The following SERPINB12 variants were observed in gnomAD, a reference collection of about 807,000 sequenced individuals.
SERPINB12 encodes serpin B12.
SERPINB12 carries 57 observed loss-of-function variants against 41.1 expected under a neutral mutation model. That is an observed-to-expected ratio of 1.39 (90% CI 1.12 to 1.73). The LOEUF (loss-of-function observed/expected upper bound fraction) is 1.73. Ranked by LOEUF, SERPINB12 falls within the 40% of genes most tolerant of loss-of-function variation. The pLI, the probability that SERPINB12 is intolerant of heterozygous loss-of-function variation, is 0.00. For synonymous variants in SERPINB12, 180 were observed against 181.3 expected (o/e 0.99, Z 0.06); for missense variants, 536 against 501.9 (o/e 1.07, Z -0.65).
intron 1 of SERPINB12, among the ~76,000 whole-genome samples, chr18:63,546,349 A>G (rs1910387862): frequency 6.6e-6 from 1 of 152,232 alleles, no homozygotes; most frequent in Non-Finnish European, 1.5e-5. Flanking sequence ...ACACGATTGT[A>G]GAGTGCTAGA....
At chr18:63,559,003 C>CTTTCTTTCTTTTCT (rs1491386715) in intron 3 of SERPINB12, among the ~76,000 whole-genome samples, 4 of 78,536 alleles carry the variant, frequency 5.1e-5, no homozygotes, top group African/African-American at 2.0e-4. Flanking sequence ...TCTTTCCTTC[C>CTTTCTTTCTTTTCT]TTCTTTCTTT....
Position 63,565,469 on chromosome 18 carries a change from A to G in SERPINB12, c.730A>G (p.Met244Val), listed in dbSNP as rs771116853. The G allele has an allele frequency of 1.9e-5, 31 of 1,613,662 alleles. No homozygotes were observed. In the South Asian group the frequency reaches 2.7e-4, roughly 14 times the overall value. Reference protein sequence around the residue: ...NANENKSVKMMTQKGLYRIGF... With the variant: ...NANENKSVKMVTQKGLYRIGF... ...GAATGAAAACAAGAGTGTGAAGATG[A>G]TGACGCAAAAAGGCCTCTACAGAAT... is the stretch of plus-strand genomic sequence containing the variant. The change falls in exon 7 of 8, where the codon ATG (methionine) becomes GTG (valine). Residue 244 changes from methionine to valine, a missense_variant. Transcript: ENST00000382768.
chr18:63,565,283 T>C (rs558805182), intron 6 of SERPINB12, among the ~76,000 whole-genome samples, 162 bp from the exon 7 acceptor site: 67 of 152,272 alleles, frequency 4.4e-4, no homozygotes, highest in African/African-American at 1.6e-3. Flanking sequence ...GGGCCACTGA[T>C]GAGTGGGTAG....
At chr18:63,561,977 C>T (rs1047083333) in intron 5 of SERPINB12, among the ~76,000 whole-genome samples, 2 of 152,054 alleles carry the variant, frequency 1.3e-5, no homozygotes, top group South Asian at 4.1e-4. Flanking sequence ...TGTAACAAAC[C>T]TGCACATGTA....
intron 1 of SERPINB12, among the ~76,000 whole-genome samples, chr18:63,552,593 AAT>A (rs1267010240): frequency 1.3e-5 from 2 of 152,138 alleles, no homozygotes; most frequent in East Asian, 3.8e-4. Flanking sequence ...TTTGTAAATT[AAT>A]ATCTTACTCT....
In SERPINB12 at chr18:63,558,267, T is replaced by C. The variant is rs1468611623; in HGVS notation, c.169-85T>C. 4.3e-6 allele frequency: 6 copies of C among 1,382,730 alleles called. No individual in the cohort carries two copies. The African/African-American group carries it at 7.3e-5, about 17-fold the overall frequency. 85.7% of individuals were successfully genotyped at this position (1,382,730 alleles called of 1,614,324 possible). A position where few individuals can be genotyped will look rare whatever the true frequency, so the allele number is the denominator to read the frequency against. On this transcript the variant is annotated intron_variant, in intron 2 of 7. Coordinates refer to ENST00000382768, the MANE Select transcript of SERPINB12 (RefSeq NM_001307928.2). ...TTGTTTGACTATGTAATCATTGCCA[T>C]TGTCTCATTATGAAATGTTTCTGAA...
At chr18:63,533,267 C>G in the SERPINB12 span, among the ~76,000 whole-genome samples, 10 of 152,308 alleles carry the variant, frequency 6.6e-5, no homozygotes, top group South Asian at 2.1e-3. Context: ...TGAGCCACCA[C>G]GCCCGGCCTC....
At chr18:63,535,275 A>G in the SERPINB12 span, among the ~76,000 whole-genome samples, 1 of 152,184 alleles carries the variant, frequency 6.6e-6, no homozygotes, top group Admixed American at 6.6e-5. Flanking sequence ...AAGGGGCAGT[A>G]ATAACTTTAC....
chr18:63,543,193 G>A (rs1910310827), intron 1 of SERPINB12, among the ~76,000 whole-genome samples: 1 of 152,102 alleles, frequency 6.6e-6, no homozygotes, highest in African/African-American at 2.4e-5. Flanking sequence ...TACATATCAG[G>A]TCCTTGAAAA....
At chr18:63,533,658 G>T in the SERPINB12 span, among the ~76,000 whole-genome samples, 3 of 152,152 alleles carry the variant, frequency 2.0e-5, no homozygotes, top group African/African-American at 7.2e-5. Context: ...GGATTTTAGA[G>T]ATTAGTTTGC....
chr18:63,523,416 G>A, the SERPINB12 span, among the ~76,000 whole-genome samples: 1 of 152,194 alleles, frequency 6.6e-6, no homozygotes, highest in Non-Finnish European at 1.5e-5. Flanking sequence ...CTCCTTCAGC[G>A]TGATTGCTTC....
Position 63,559,566 on chromosome 18 carries a change from T to C in SERPINB12, c.304-12T>C. On this transcript the variant is annotated splice_polypyrimidine_tract_variant and intron_variant, in intron 3 of 7. Coordinates refer to ENST00000382768, the MANE Select transcript of SERPINB12 (RefSeq NM_001307928.2). ...CACAGTGAAGGTCACATTTTGTTTC[T>C]TCTTTCCTTAGGCTGGGTCCTTAAA... 1 of 1,613,700 alleles carries C rather than the reference T, an allele frequency of 6.2e-7. No homozygotes were observed. Among genetic ancestry groups the C allele is most frequent in the Admixed American group, 1.7e-5 (1 of 59,986 alleles).
chr18:63,534,338 G>C, the SERPINB12 span, among the ~76,000 whole-genome samples: 1 of 152,206 alleles, frequency 6.6e-6, no homozygotes, highest in Non-Finnish European at 1.5e-5. Context: ...ACAATTATCT[G>C]TGGGTACTTG....
intron 1 of SERPINB12, among the ~76,000 whole-genome samples, chr18:63,552,965 C>CAACT (rs1318498559): frequency 6.6e-6 from 1 of 152,100 alleles, no homozygotes; most frequent in East Asian, 1.9e-4. Flanking sequence ...ACTTTAACAG[C>CAACT]AACTGTCCAG....
chr18:63,529,699 G>GTGTT, the SERPINB12 span, among the ~76,000 whole-genome samples: 1 of 152,116 alleles, frequency 6.6e-6, no homozygotes, highest in Non-Finnish European at 1.5e-5. Flanking sequence ...GTGTGTGTGT[G>GTGTT]TGTACCTACC....
chr18:63,539,150 C>T (rs1910226636), upstream of SERPINB12, among the ~76,000 whole-genome samples: 1 of 152,082 alleles, frequency 6.6e-6, no homozygotes, highest in Non-Finnish European at 1.5e-5. Context: ...ACACTGTTTT[C>T]CCTTTATGAC....
intron 1 of SERPINB12, among the ~76,000 whole-genome samples, chr18:63,545,186 AT>A (rs1244287056): frequency 6.6e-6 from 1 of 151,138 alleles, no homozygotes; most frequent in African/African-American, 2.4e-5. Flanking sequence ...AGTAAACATT[AT>A]TTTTACGGCC....
chr18:63,541,750 A>C (rs1349891890), upstream of SERPINB12, among the ~76,000 whole-genome samples: 1 of 152,070 alleles, frequency 6.6e-6, no homozygotes, highest in Non-Finnish European at 1.5e-5. Flanking sequence ...AGGAAGACAG[A>C]GGTGAAGAGA....
At chr18:63,523,136 A>G in the SERPINB12 span, among the ~76,000 whole-genome samples, 1 of 152,208 alleles carries the variant, frequency 6.6e-6, no homozygotes, top group Non-Finnish European at 1.5e-5. Flanking sequence ...GATTGTGGGG[A>G]AGCCTGCCAA....
Sources: allele counts gnomAD v4.1 joint callset (sites outside exome capture counted in the v4.1 genomes callset), GRCh38; gene constraint gnomAD v4.1.1; transcripts MANE v1.5; gene names NCBI Gene and HGNC (gene_info 2026-07-23, HGNC 2026-07-21).